KLRG1: variants seen among roughly 807,000 people sequenced by gnomAD.
KLRG1 encodes the protein killer cell lectin-like receptor subfamily G member 1.
In KLRG1, 16 loss-of-function variants were observed where a neutral mutation model predicts 21.8. The ratio of observed to expected loss-of-function variants is 0.73; its 90% CI spans 0.50 to 1.11. The LOEUF (loss-of-function observed/expected upper bound fraction) is 1.11. Among genes scored for constraint, KLRG1 ranks in the 50% most tolerant of loss-of-function variants. KLRG1 has a pLI of 0.00. For synonymous variants in KLRG1, 69 were observed against 75.9 expected (o/e 0.91, Z 0.47); for missense variants, 173 against 218.3 (o/e 0.79, Z 1.31).
At chr12:9,103,567 T>C in the KLRG1 span, among the ~76,000 whole-genome samples, 1 of 152,102 alleles carries the variant, frequency 6.6e-6, no homozygotes, top group African/African-American at 2.4e-5. Context: ...GAATTCCCCA[T>C]TTCTCTCTTT....
At chr12:9,157,255 G>T in the KLRG1 span, 1 of 1,614,104 alleles carries the variant, frequency 6.2e-7, no homozygotes, top group Non-Finnish European at 8.5e-7. Flanking sequence ...AAAAGCATAG[G>T]CCAGCAATGC....
chr12:9,169,600 G>T, the KLRG1 span: 1 of 1,586,198 alleles, frequency 6.3e-7, no homozygotes, highest in Non-Finnish European at 8.5e-7. Context: ...ACCTGTAGCA[G>T]TGGGGGGATC....
At chr12:9,041,370 G>C in the KLRG1 span, among the ~76,000 whole-genome samples, 1 of 152,216 alleles carries the variant, frequency 6.6e-6, no homozygotes, top group Middle Eastern at 3.4e-3. Context: ...CAAAAAACTT[G>C]GTTGATATGT....
the KLRG1 span, among the ~76,000 whole-genome samples, chr12:9,171,392 A>G: frequency 8.5e-5 from 13 of 152,244 alleles, no homozygotes; most frequent in African/African-American, 2.9e-4. Flanking sequence ...ATAAGTTCAC[A>G]AAGATGAGAA....
At chr12:9,114,369 CAT>C in the KLRG1 span, among the ~76,000 whole-genome samples, 2 of 152,128 alleles carry the variant, frequency 1.3e-5, no homozygotes, top group African/African-American at 4.8e-5. Flanking sequence ...TTCAAGTAAA[CAT>C]ATTTTTATCA....
the KLRG1 span, among the ~76,000 whole-genome samples, chr12:9,146,488 T>C: frequency 6.6e-6 from 1 of 152,180 alleles, no homozygotes; most frequent in Non-Finnish European, 1.5e-5. Flanking sequence ...AATCACATAA[T>C]TCCATTTCAT....
At chr12:9,013,115 T>A (rs1947654961), downstream of KLRG1, among the ~76,000 whole-genome samples, 2 of 152,200 alleles carry the variant, frequency 1.3e-5, no homozygotes, top group Non-Finnish European at 2.9e-5. Flanking sequence ...AAGGTGGTAC[T>A]TCTATAAGTC....
At chr12:9,106,311 G>C in the KLRG1 span, 1 of 1,612,814 alleles carries the variant, frequency 6.2e-7, no homozygotes, top group Non-Finnish European at 8.5e-7. Context: ...TGGTTCTTGT[G>C]ATTTCACTGG....
chr12:9,176,000 C>T, the KLRG1 span, among the ~76,000 whole-genome samples: 1 of 152,150 alleles, frequency 6.6e-6, no homozygotes, highest in Non-Finnish European at 1.5e-5. Context: ...TATAAAGATA[C>T]ATGCTTGCAT....
At chr12:9,056,237 T>C in the KLRG1 span, among the ~76,000 whole-genome samples, 1 of 152,106 alleles carries the variant, frequency 6.6e-6, no homozygotes, top group African/African-American at 2.4e-5. Context: ...CTGCAAACCA[T>C]ACTGAATCAG....
At chr12:9,039,811 G>A in the KLRG1 span, among the ~76,000 whole-genome samples, 1 of 152,182 alleles carries the variant, frequency 6.6e-6, no homozygotes, top group Non-Finnish European at 1.5e-5. Context: ...ATAATACTCA[G>A]ACACAAATAG....
the KLRG1 span, among the ~76,000 whole-genome samples, chr12:9,075,261 A>G: frequency 2.0e-5 from 3 of 152,216 alleles, no homozygotes; most frequent in African/African-American, 7.2e-5. Context: ...ATGTGAAACA[A>G]TGGGAACCAA....
the KLRG1 span, among the ~76,000 whole-genome samples, chr12:9,100,427 CTTATTTATTTAT>C: frequency 1.3e-5 from 2 of 151,528 alleles, no homozygotes; most frequent in African/African-American, 4.8e-5. Flanking sequence ...CCCCTTTGTT[CTTATTTATTTAT>C]TTATTTATTT....
chr12:9,195,120 T>C, the KLRG1 span, among the ~76,000 whole-genome samples: 1 of 152,144 alleles, frequency 6.6e-6, no homozygotes, highest in East Asian at 1.9e-4. Context: ...AAAGGACAAA[T>C]ATTTAAGGTG....
At chr12:9,196,759 C>A in the KLRG1 span, 1 of 1,338,524 alleles carries the variant, frequency 7.5e-7, no homozygotes. Flanking sequence ...TATTCTGTCT[C>A]TAATGACAAG....
At chr12:9,186,013 G>A in the KLRG1 span, among the ~76,000 whole-genome samples, 11 of 151,840 alleles carry the variant, frequency 7.2e-5, no homozygotes, top group South Asian at 8.3e-4. Context: ...TCACCATGTT[G>A]GCCAGGATGG....
chr12:8,953,260 C>T (rs1013146051), intron 1 of KLRG1, among the ~76,000 whole-genome samples: 30 of 152,176 alleles, frequency 2.0e-4, no homozygotes, highest in African/African-American at 6.8e-4. Context: ...GGTGGTCCCC[C>T]ACCCCTGCAG....
chr12:9,181,855 G>T, the KLRG1 span: 4 of 1,112,268 alleles, frequency 3.6e-6, no homozygotes, highest in Admixed American at 2.8e-5. Flanking sequence ...CCATAAACTT[G>T]TTGGGAACTG....
chr12:9,057,408 A>G, the KLRG1 span, among the ~76,000 whole-genome samples: 2 of 152,192 alleles, frequency 1.3e-5, no homozygotes, highest in Non-Finnish European at 2.9e-5. Flanking sequence ...CTTAATGGGT[A>G]CAATGTACTC....
Sources: gnomAD v4.1 joint callset for allele counts (sites outside exome capture counted in the v4.1 genomes callset) on GRCh38, gnomAD v4.1.1 for gene constraint, MANE v1.5 for transcripts, NCBI Gene and HGNC (gene_info 2026-07-23, HGNC 2026-07-21) for gene names.